The following DYNLT5 variants were observed in gnomAD, a reference collection of about 807,000 sequenced individuals.
DYNLT5 encodes dynein light chain Tctex-type 5.
In DYNLT5, 25 loss-of-function variants were observed where a neutral mutation model predicts 19.3. That is an observed-to-expected ratio of 1.30 (90% CI 0.95 to 1.81). DYNLT5 has a LOEUF of 1.81. DYNLT5 is among the 40% of genes most tolerant of loss of function. The probability of loss-of-function intolerance (pLI) is 0.00; values close to 1 mark genes in which losing one functional copy is unlikely to be tolerated. For synonymous variants in DYNLT5, 82 were observed against 68.9 expected (o/e 1.19, Z -0.94); for missense variants, 232 against 217.9 (o/e 1.06, Z -0.41).
chr1:66,768,845 A>G (rs1021559003), intron 2 of DYNLT5: 1 of 152,194 alleles, frequency 6.6e-6, no homozygotes, highest in Non-Finnish European at 1.5e-5. Flanking sequence ...CTTTGTCACT[A>G]AGAGGTAAAC....
chr1:66,771,906 C>A (rs1645206368), intron 3 of DYNLT5, among the ~76,000 whole-genome samples: 1 of 151,972 alleles, frequency 6.6e-6, no homozygotes. Context: ...GAGTATGAAC[C>A]ACATTAGAAA....
At chr1:66,776,696 T>G (rs970394732) in intron 4 of DYNLT5, among the ~76,000 whole-genome samples, 1 of 152,174 alleles carries the variant, frequency 6.6e-6, no homozygotes, top group African/African-American at 2.4e-5. Flanking sequence ...AACATTTTAA[T>G]GATTATTTTC....
chr1:66,763,784 G>C (rs2094649915), intron 2 of DYNLT5, among the ~76,000 whole-genome samples: 1 of 152,168 alleles, frequency 6.6e-6, no homozygotes, highest in Non-Finnish European at 1.5e-5. Flanking sequence ...ATTTGTGACT[G>C]GTCTGATCTT....
chr1:66,776,270 T>C lies in DYNLT5; in HGVS notation c.212-9T>C. ...ACTTTTTAGAAATAAATTTTATGTGTATTTTCAGGTCCTCCCAAACATTTT... is the reference window on the plus strand; with the variant it reads ...ACTTTTTAGAAATAAATTTTATGTGCATTTTCAGGTCCTCCCAAACATTTT... On this transcript the variant is annotated splice_polypyrimidine_tract_variant and intron_variant, in intron 3 of 4. Coordinates refer to ENST00000282670, the MANE Select transcript of DYNLT5 (RefSeq NM_152665.3). The C allele has an allele frequency of 6.2e-7, 1 of 1,610,970 alleles. No individual in the cohort carries two copies.
intron 2 of DYNLT5, among the ~76,000 whole-genome samples, chr1:66,764,801 A>C (rs1230540179): frequency 6.6e-6 from 1 of 152,250 alleles, no homozygotes; most frequent in Admixed American, 6.5e-5. Flanking sequence ...ATGCCTGTAC[A>C]TAAAAATCCA....
chr1:66,770,335 T>C (rs1645196779), intron 2 of DYNLT5, 52 bp from the exon 3 acceptor site: 1 of 1,151,150 alleles, frequency 8.7e-7, no homozygotes, highest in Admixed American at 1.8e-5. Context: ...TATTGTATTT[T>C]GTTATTATTG....
intron 1 of DYNLT5, among the ~76,000 whole-genome samples, chr1:66,753,943 C>G (rs2094631599): frequency 6.7e-6 from 1 of 150,354 alleles, no homozygotes; most frequent in African/African-American, 2.5e-5. Context: ...AGAGCTAGAT[C>G]CTGTCTCTAA....
At chr1:66,752,627 A>C in intron 1 of DYNLT5, 43 bp downstream of exon 1, 1 of 979,598 alleles carries the variant, frequency 1.0e-6, no homozygotes, top group South Asian at 4.7e-5. Flanking sequence ...CCCCAAAGGA[A>C]GGATAGGGGG....
In DYNLT5 at chr1:66,776,158, A is replaced by G. The variant is rs1645233105; in HGVS notation, c.212-121A>G. 1.7e-5 allele frequency: 23 copies of G among 1,316,946 alleles called. 1 individual carries two copies. The South Asian group carries it at 3.0e-4, about 17-fold the overall frequency. The allele number at this position is 1,316,946 out of a possible 1,614,324, so 81.6% of individuals were successfully genotyped here. On this transcript the variant is annotated intron_variant, in intron 3 of 4. Coordinates refer to ENST00000282670, the MANE Select transcript of DYNLT5 (RefSeq NM_152665.3). ...CTAATTAGAGCCACTTGTTTCTTTCAATAGAGTCCACCCAGAAGATTAAAT... is the reference window on the plus strand; with the variant it reads ...CTAATTAGAGCCACTTGTTTCTTTCGATAGAGTCCACCCAGAAGATTAAAT...
intron 2 of DYNLT5, among the ~76,000 whole-genome samples, chr1:66,765,414 GA>G (rs1200898693): frequency 2.6e-5 from 4 of 152,034 alleles, no homozygotes; most frequent in Non-Finnish European, 5.9e-5. Context: ...TAATAACTCT[GA>G]AAACGTATGG....
intron 2 of DYNLT5, among the ~76,000 whole-genome samples, chr1:66,755,230 C>T (rs2094634032): frequency 6.6e-6 from 1 of 151,940 alleles, no homozygotes; most frequent in Non-Finnish European, 1.5e-5. Flanking sequence ...ATTTATGATT[C>T]TGGGTTCCTT....
At chr1:66,755,128 T>C (rs2094633881) in intron 2 of DYNLT5, among the ~76,000 whole-genome samples, 1 of 152,222 alleles carries the variant, frequency 6.6e-6, no homozygotes, top group African/African-American at 2.4e-5. Flanking sequence ...TACATACATA[T>C]ACAATGTACT....
At chr1:66,769,269 T>C (rs993051032) in intron 2 of DYNLT5, among the ~76,000 whole-genome samples, 4 of 152,186 alleles carry the variant, frequency 2.6e-5, no homozygotes, top group Admixed American at 2.6e-4. Flanking sequence ...TCTTCCATCA[T>C]TTTCTTGGGC....
chr1:66,776,577 G>A (rs574849880), intron 4 of DYNLT5, among the ~76,000 whole-genome samples, 174 bp downstream of exon 4: 28 of 151,872 alleles, frequency 1.8e-4, no homozygotes, highest in African/African-American at 4.6e-4. Flanking sequence ...GTGTGTGTGT[G>A]TATATACATA....
chr1:66,758,480 A>G (rs2094640405), intron 2 of DYNLT5, among the ~76,000 whole-genome samples: 1 of 152,214 alleles, frequency 6.6e-6, no homozygotes, highest in Non-Finnish European at 1.5e-5. Context: ...CCTTTGCCTC[A>G]AACCAAAATT....
Position 66,752,574 on chromosome 1 carries a change from C to T in DYNLT5, c.-14C>T, listed in dbSNP as rs1487401628. ...GTCTGGGAGGCTCCGGGCGAAGCCTCCCTGCTGCAGGTAGGGTCGCCTCTC... is the reference window on the plus strand; with the variant it reads ...GTCTGGGAGGCTCCGGGCGAAGCCTTCCTGCTGCAGGTAGGGTCGCCTCTC... On this transcript the variant is annotated 5_prime_UTR_variant, in exon 1 of 5. Transcript: ENST00000282670. 4.1e-6 allele frequency: 4 copies of T among 985,390 alleles called. No individual in the cohort carries two copies. The highest frequency in any genetic ancestry group is 4.8e-6 in the Non-Finnish European group (4 of 829,996). 61.0% of individuals were successfully genotyped at this position (985,390 alleles called of 1,614,324 possible). A position where few individuals can be genotyped will look rare whatever the true frequency, so the allele number is the denominator to read the frequency against.
intron 2 of DYNLT5, among the ~76,000 whole-genome samples, chr1:66,756,910 C>T (rs1427678597): frequency 1.3e-5 from 2 of 152,228 alleles, no homozygotes; most frequent in African/African-American, 4.8e-5. Flanking sequence ...CTGCAATGCT[C>T]TTCTTACACT....
intron 3 of DYNLT5, among the ~76,000 whole-genome samples, chr1:66,773,842 A>C (rs1385891348): frequency 6.6e-6 from 1 of 152,024 alleles, no homozygotes; most frequent in Non-Finnish European, 1.5e-5. Flanking sequence ...GGAAAAAAAA[A>C]ATCTCGAGAA....
chr1:66,774,783 A>G (rs977364118), intron 3 of DYNLT5, among the ~76,000 whole-genome samples: 1 of 152,172 alleles, frequency 6.6e-6, no homozygotes, highest in Non-Finnish European at 1.5e-5. Flanking sequence ...GGGTGGGCTG[A>G]CAACCTTACT....
Sources: allele counts gnomAD v4.1 joint callset (sites outside exome capture counted in the v4.1 genomes callset), GRCh38; gene constraint gnomAD v4.1.1; transcripts MANE v1.5; gene names NCBI Gene and HGNC (gene_info 2026-07-23, HGNC 2026-07-21).